EXOC4: variants seen among roughly 807,000 people sequenced by gnomAD.
The protein encoded by EXOC4 is exocyst complex component 4.
Under a neutral mutation model 107.2 loss-of-function variants are expected in EXOC4, and 71 were observed. The ratio of observed to expected loss-of-function variants is 0.66; its 90% CI spans 0.55 to 0.81. The LOEUF is 0.81. Ranked by LOEUF, EXOC4 falls within the 30% of genes least tolerant of loss-of-function variation. The probability of loss-of-function intolerance (pLI) is 0.00; values close to 1 mark genes in which losing one functional copy is unlikely to be tolerated. For synonymous variants in EXOC4, 456 were observed against 441.2 expected (o/e 1.03, Z -0.42); for missense variants, 1,108 against 1,189.6 (o/e 0.93, Z 1.01).
At chr7:133,760,833 A>G (rs983861489) in intron 10 of EXOC4, among the ~76,000 whole-genome samples, 55 of 152,200 alleles carry the variant, frequency 3.6e-4, no homozygotes, top group African/African-American at 1.3e-3. Context: ...GTTCTGTGTA[A>G]CAAAAGTATT....
At chr7:133,259,120 A>G (rs1427375377) in intron 1 of EXOC4, among the ~76,000 whole-genome samples, 4 of 151,952 alleles carry the variant, frequency 2.6e-5, no homozygotes, top group Non-Finnish European at 4.4e-5. Flanking sequence ...GTCCATGTAT[A>G]TACATTTTTT....
At chr7:133,408,894 T>A (rs1234455965) in intron 7 of EXOC4, among the ~76,000 whole-genome samples, 2 of 152,232 alleles carry the variant, frequency 1.3e-5, no homozygotes, top group Non-Finnish European at 2.9e-5. Flanking sequence ...TTCTATTCTC[T>A]TTGCATATTT....
At position 133,356,432 on chromosome 7, in the gene EXOC4, TGAA is replaced by T. The variant is rs1199435671; in HGVS notation, c.872_874del (p.Lys291del). The T allele has an allele frequency of 1.2e-6, 2 of 1,614,086 alleles. No individual in the cohort carries two copies. Among genetic ancestry groups the T allele is most frequent in the East Asian group, 2.2e-5 (1 of 44,876 alleles). ...ATCCTCATTAAGGGCTTGGCGAAAC[TGAA>T]GAAGATCCCAGAAACAGTTAAGGCA... is the stretch of plus-strand genomic sequence containing the variant. On this transcript the variant is annotated inframe_deletion, in exon 6 of 18. Transcript: ENST00000253861.
At chr7:133,328,709 G>A (rs1033966858) in intron 5 of EXOC4, among the ~76,000 whole-genome samples, 1 of 152,178 alleles carries the variant, frequency 6.6e-6, no homozygotes, top group Admixed American at 6.5e-5. Context: ...TGAAATCCTA[G>A]GTTGAAAATT....
At chr7:133,852,101 T>TA (rs1449465749) in intron 11 of EXOC4, among the ~76,000 whole-genome samples, 33 of 152,344 alleles carry the variant, frequency 2.2e-4, no homozygotes, top group African/African-American at 7.7e-4. Flanking sequence ...TCTCAAGCCT[T>TA]ATTAGAATAA....
At chr7:133,610,898 A>G (rs962670253) in intron 9 of EXOC4, among the ~76,000 whole-genome samples, 1 of 149,596 alleles carries the variant, frequency 6.7e-6, no homozygotes, top group Admixed American at 6.7e-5. Context: ...TGCAGCTGTG[A>G]TCTCCTGGGC....
At chr7:133,577,446 A>G (rs1801157325) in intron 9 of EXOC4, among the ~76,000 whole-genome samples, 1 of 152,240 alleles carries the variant, frequency 6.6e-6, no homozygotes, top group African/African-American at 2.4e-5. Context: ...TCCAATGATT[A>G]CTATCAAATT....
intron 10 of EXOC4, among the ~76,000 whole-genome samples, chr7:133,638,384 T>C (rs1019196864): frequency 6.6e-6 from 1 of 152,188 alleles, no homozygotes; most frequent in African/African-American, 2.4e-5. Context: ...CCTAATATAC[T>C]GTGCAGCTTC....
chr7:133,262,300 A>G (rs1448118911), intron 1 of EXOC4, among the ~76,000 whole-genome samples: 4 of 151,640 alleles, frequency 2.6e-5, no homozygotes, highest in African/African-American at 9.7e-5. Flanking sequence ...CAGGAGTTCA[A>G]GTCCCATTGG....
intron 10 of EXOC4, among the ~76,000 whole-genome samples, chr7:133,722,607 C>T (rs561349622): frequency 1.7e-4 from 26 of 152,108 alleles, no homozygotes; most frequent in Non-Finnish European, 3.7e-4. Flanking sequence ...ATAACTGTTA[C>T]GTACTTCACC....
At chr7:133,831,337 A>C (rs1477088860) in intron 11 of EXOC4, among the ~76,000 whole-genome samples, 2 of 152,114 alleles carry the variant, frequency 1.3e-5, no homozygotes, top group Non-Finnish European at 2.9e-5. Flanking sequence ...TTAACGATGG[A>C]GTATCAGTAT....
At chr7:133,647,817 C>A (rs1803031867) in intron 10 of EXOC4, among the ~76,000 whole-genome samples, 1 of 152,014 alleles carries the variant, frequency 6.6e-6, no homozygotes, top group African/African-American at 2.4e-5. Flanking sequence ...CTAATTAGAG[C>A]CATCATGGAA....
At chr7:133,878,868 G>A (rs1798904904) in intron 11 of EXOC4, among the ~76,000 whole-genome samples, 1 of 152,070 alleles carries the variant, frequency 6.6e-6, no homozygotes, top group Non-Finnish European at 1.5e-5. Flanking sequence ...GGGACTACAG[G>A]TGTGCTCCAC....
At chr7:134,056,220 T>C (rs1057405954) in intron 17 of EXOC4, among the ~76,000 whole-genome samples, 21 of 152,214 alleles carry the variant, frequency 1.4e-4, no homozygotes, top group African/African-American at 3.6e-4. Flanking sequence ...TAAAGTGATA[T>C]TTGATGAACT....
intron 7 of EXOC4, among the ~76,000 whole-genome samples, chr7:133,437,282 T>TTTAA (rs1797998218): frequency 6.6e-6 from 1 of 152,196 alleles, no homozygotes; most frequent in Non-Finnish European, 1.5e-5. Flanking sequence ...CCACCAGATG[T>TTTAA]TTAAGTATTT....
intron 17 of EXOC4, among the ~76,000 whole-genome samples, chr7:134,052,504 A>C (rs1025611273): frequency 5.3e-5 from 8 of 152,140 alleles, no homozygotes; most frequent in African/African-American, 1.4e-4. Flanking sequence ...GTATGTCAGC[A>C]TGGAGGATGT....
intron 5 of EXOC4, among the ~76,000 whole-genome samples, chr7:133,332,537 C>T (rs891046221): frequency 6.6e-6 from 1 of 152,168 alleles, no homozygotes; most frequent in Admixed American, 6.5e-5. Context: ...ATCTCTTGAA[C>T]TTGGGAGGCA....
In EXOC4 at chr7:133,453,965, A is replaced by C. The variant is rs1215455612; in HGVS notation, c.1183-21363A>C. On this transcript the variant is annotated intron_variant, in intron 7 of 17. Coordinates refer to ENST00000253861, the MANE Select transcript of EXOC4 (RefSeq NM_021807.4). ...GAGATAAAGAAGAAGTGTAAGACAC[A>C]ATATTGTTCTTAGATTGCTTCCTAG... Among the ~76,000 whole-genome samples, 4 of 152,170 alleles carry C rather than the reference A, an allele frequency of 2.6e-5. No homozygotes were observed. In the East Asian group the frequency reaches 7.7e-4, roughly 29 times the overall value.
At chr7:133,576,552 G>A in intron 9 of EXOC4, 1 of 1,289,730 alleles carries the variant, frequency 7.8e-7, no homozygotes, top group South Asian at 1.2e-5. Context: ...ACCAAAATGA[G>A]CAAAGGAGAG....
Sources: allele counts gnomAD v4.1 joint callset (sites outside exome capture counted in the v4.1 genomes callset), GRCh38; gene constraint gnomAD v4.1.1; transcripts MANE v1.5; gene names NCBI Gene and HGNC (gene_info 2026-07-23, HGNC 2026-07-21).